Variants in CAMTA1 observed in about 807,000 individuals in gnomAD.
CAMTA1 encodes calmodulin binding transcription activator 1, also known as calmodulin-binding transcription activator 1.
CAMTA1 carries 27 observed loss-of-function variants against 170.9 expected under a neutral mutation model. The ratio of observed to expected loss-of-function variants is 0.16; its 90% CI spans 0.12 to 0.22. The LOEUF (loss-of-function observed/expected upper bound fraction) is 0.22. Among genes scored for constraint, CAMTA1 ranks in the 10% least tolerant of loss-of-function variants. The pLI is 1.00. For synonymous variants in CAMTA1, 833 were observed against 891.5 expected, an observed-to-expected ratio of 0.93 and a Z score of 1.17; for missense variants, 1,619 against 2,217.2, an observed-to-expected ratio of 0.73 and a Z score of 5.42.
At chr1:7,130,961 T>C (rs551621162) in intron 4 of CAMTA1, among the ~76,000 whole-genome samples, 43 of 142,898 alleles carry the variant, frequency 3.0e-4, no homozygotes, top group African/African-American at 1.1e-3. Context: ...TTTTCTTTTC[T>C]TTTTTTTTTT....
intron 4 of CAMTA1, among the ~76,000 whole-genome samples, chr1:7,186,938 T>C (rs1395257240): frequency 2.6e-5 from 4 of 151,896 alleles, no homozygotes; most frequent in East Asian, 1.9e-4. Context: ...TGGGGTGTAA[T>C]TGAGGAGTGT....
chr1:7,668,426 C>G (rs2096021664), intron 9 of CAMTA1, among the ~76,000 whole-genome samples: 1 of 129,028 alleles, frequency 7.8e-6, no homozygotes, highest in South Asian at 2.2e-4. Context: ...CACACACACA[C>G]ACACACCCAC....
chr1:7,617,930 C>A (rs952611928), intron 6 of CAMTA1, among the ~76,000 whole-genome samples: 3 of 152,166 alleles, frequency 2.0e-5, no homozygotes, highest in African/African-American at 7.2e-5. Context: ...TCAAAGCCTG[C>A]AGCCCAAGGC....
intron 6 of CAMTA1, among the ~76,000 whole-genome samples, chr1:7,493,233 G>A (rs538983088): frequency 5.4e-4 from 68 of 126,826 alleles, no homozygotes; most frequent in African/African-American, 2.1e-3. Context: ...ACACACAAAC[G>A]TACAATCACG....
intron 6 of CAMTA1, among the ~76,000 whole-genome samples, chr1:7,513,047 C>A (rs1221020884): frequency 6.6e-6 from 1 of 152,206 alleles, no homozygotes; most frequent in African/African-American, 2.4e-5. Context: ...GAGTGACAGG[C>A]ACTGACTCCC....
intron 3 of CAMTA1, among the ~76,000 whole-genome samples, chr1:7,034,710 C>T (rs1445608272): frequency 1.3e-5 from 2 of 152,178 alleles, no homozygotes; most frequent in African/African-American, 2.4e-5. Context: ...AACTCTATAG[C>T]AAGAAAGCTG....
intron 22 of CAMTA1, among the ~76,000 whole-genome samples, chr1:7,756,805 G>A (rs2096934590): frequency 6.6e-6 from 1 of 152,026 alleles, no homozygotes; most frequent in Non-Finnish European, 1.5e-5. Flanking sequence ...CTGTGAACAT[G>A]CCACTGCACT....
chr1:7,284,191 T>TATTATTATC (rs1557438751), intron 5 of CAMTA1, among the ~76,000 whole-genome samples: 55 of 135,522 alleles, frequency 4.1e-4, no homozygotes, highest in Non-Finnish European at 8.1e-4. Context: ...TTATTATTAT[T>TATTATTATC]ATTATTATTA....
intron 5 of CAMTA1, among the ~76,000 whole-genome samples, chr1:7,436,528 C>A (rs1239520679): frequency 6.6e-6 from 1 of 152,140 alleles, no homozygotes; most frequent in Non-Finnish European, 1.5e-5. Context: ...CCTCTGCCTG[C>A]AGACCACAGG....
intron 6 of CAMTA1, among the ~76,000 whole-genome samples, chr1:7,506,660 A>G (rs1159005525): frequency 2.0e-5 from 3 of 151,912 alleles, no homozygotes; most frequent in Non-Finnish European, 4.4e-5. Flanking sequence ...GCTGAAACGT[A>G]AAATTCACTC....
At chr1:7,061,144 C>A (rs1263335620) in intron 3 of CAMTA1, among the ~76,000 whole-genome samples, 1 of 152,050 alleles carries the variant, frequency 6.6e-6, no homozygotes, top group African/African-American at 2.4e-5. Context: ...TGGGAAAATC[C>A]TCGGTCTCTG....
chr1:7,649,709 T>C (rs1345600939), intron 7 of CAMTA1, among the ~76,000 whole-genome samples: 5 of 152,228 alleles, frequency 3.3e-5, no homozygotes, highest in African/African-American at 1.2e-4. Flanking sequence ...CTGTCTCTCC[T>C]GGCGTCTTGC....
At chr1:7,668,283 G>A (rs544060824) in intron 9 of CAMTA1, among the ~76,000 whole-genome samples, 7 of 151,984 alleles carry the variant, frequency 4.6e-5, no homozygotes, top group Non-Finnish European at 7.4e-5. Context: ...TGCGATGGCC[G>A]GGGCCATCCT....
intron 4 of CAMTA1, among the ~76,000 whole-genome samples, chr1:7,179,477 G>A (rs890177192): frequency 1.3e-5 from 2 of 152,156 alleles, no homozygotes; most frequent in African/African-American, 2.4e-5. Context: ...TATACATGGA[G>A]CATTTACAAA....
At chr1:7,688,796 G>C (rs1404114064) in intron 11 of CAMTA1, among the ~76,000 whole-genome samples, 1 of 152,138 alleles carries the variant, frequency 6.6e-6, no homozygotes, top group Admixed American at 6.5e-5. Context: ...CCACATCTGT[G>C]ACACCAGGAC....
chr1:7,577,205 A>G (rs2150368293), intron 6 of CAMTA1, among the ~76,000 whole-genome samples: 1 of 152,290 alleles, frequency 6.6e-6, no homozygotes. Flanking sequence ...CGTTCCTCAG[A>G]TCCCTGTCAC....
intron 6 of CAMTA1, among the ~76,000 whole-genome samples, chr1:7,574,169 C>T (rs543097499): frequency 9.7e-5 from 12 of 123,814 alleles, no homozygotes; most frequent in African/African-American, 5.8e-4. Flanking sequence ...GCATGTGGGC[C>T]GTGCAGGGAG....
At position 7,041,234 on chromosome 1, in the gene CAMTA1, G is replaced by A. The variant is rs561123868; in HGVS notation, c.235-50070G>A. Among the ~76,000 whole-genome samples, 1 of 152,370 alleles carries A rather than the reference G, an allele frequency of 6.6e-6. No individual in the cohort carries two copies. Among genetic ancestry groups the A allele is most frequent in the Admixed American group, 6.5e-5 (1 of 15,312 alleles). On this transcript the variant is annotated intron_variant, in intron 3 of 22. Transcript: ENST00000303635. This position sits in a 1 kb window ranked among gnomAD's most constrained non-coding sequence, Gnocchi z 5.1. ...CGGCCCCGGAGCTGGAGCTTCTACC[G>A]AAGGGTTGCCCTCTGTCCCCTTCTC...
At position 6,949,069 on chromosome 1, in the gene CAMTA1, C is replaced by T. The variant is rs1688030476; in HGVS notation, c.234+123859C>T. 2.0e-5 allele frequency among the ~76,000 whole-genome samples: 3 copies of T among 152,320 alleles called. No homozygotes were observed. In the South Asian group the frequency reaches 6.2e-4, roughly 32 times the overall value. ...GCAAGGGACCTGTTCAAGCAAACTC[C>T]TGTCTTTTCTGAGATAAGTCTGACT... On this transcript the variant is annotated intron_variant, in intron 3 of 22. Transcript: ENST00000303635.
Sources: gnomAD v4.1 joint callset for allele counts (sites outside exome capture counted in the v4.1 genomes callset) on GRCh38, gnomAD v4.1.1 for gene constraint, Gnocchi (gnomAD v3.1) non-coding constraint, MANE v1.5 for transcripts, NCBI Gene and HGNC (gene_info 2026-07-23, HGNC 2026-07-21) for gene names.